Variants in PHC3 observed in about 807,000 individuals in gnomAD.
The protein encoded by PHC3 is polyhomeotic homolog 3.
Under a neutral mutation model 107.4 loss-of-function variants are expected in PHC3, and 13 were observed. The ratio of observed to expected loss-of-function variants is 0.12; its 90% CI spans 0.08 to 0.19. PHC3 has a LOEUF of 0.19. Among genes scored for constraint, PHC3 ranks in the 10% least tolerant of loss-of-function variants. The pLI is 1.00. For synonymous variants in PHC3, 456 were observed against 427.4 expected, an observed-to-expected ratio of 1.07 and a Z score of -0.83; for missense variants, 992 against 1,210.9, an observed-to-expected ratio of 0.82 and a Z score of 2.68.
chr3:170,116,861 T>C (rs1187071120), intron 10 of PHC3, among the ~76,000 whole-genome samples: 1 of 150,134 alleles, frequency 6.7e-6, no homozygotes, highest in Non-Finnish European at 1.5e-5. Flanking sequence ...CAGTGAGCCA[T>C]GATCGCACCA....
chr3:170,104,502 G>A (rs1341187729), intron 12 of PHC3, among the ~76,000 whole-genome samples: 1 of 152,062 alleles, frequency 6.6e-6, no homozygotes, highest in Non-Finnish European at 1.5e-5. Flanking sequence ...CAAATTCCTG[G>A]GCTCAAGCAA....
chr3:170,160,831 T>C (rs976924734), intron 4 of PHC3, among the ~76,000 whole-genome samples: 3 of 152,084 alleles, frequency 2.0e-5, no homozygotes, highest in Admixed American at 6.5e-5. Flanking sequence ...CGCTTCAACC[T>C]GGGAAGCAGA....
chr3:170,146,596 G>A (rs1309471122), intron 5 of PHC3, among the ~76,000 whole-genome samples: 20 of 139,772 alleles, frequency 1.4e-4, no homozygotes, highest in African/African-American at 4.8e-4. Flanking sequence ...GCAGTCATGC[G>A]ATCTCAGCTC....
intron 5 of PHC3, among the ~76,000 whole-genome samples, chr3:170,145,983 C>T (rs1448691813): frequency 6.6e-6 from 1 of 152,208 alleles, no homozygotes; most frequent in African/African-American, 2.4e-5. Context: ...ATAAGGATAA[C>T]TATGCCACAT....
rs1174021102 is a variant in PHC3 at position 170,093,331 on chromosome 3, T to G, written c.*3899A>C. The G allele has an allele frequency of 1.3e-5, 2 of 152,220 alleles. No homozygotes were observed. The highest frequency in any genetic ancestry group is 4.8e-5 in the African/African-American group (2 of 41,454). 9.4% of individuals were successfully genotyped at this position (152,220 alleles called of 1,614,324 possible). On this transcript the variant is annotated 3_prime_UTR_variant, in exon 15 of 15. Coordinates refer to ENST00000495893, the MANE Select transcript of PHC3 (RefSeq NM_024947.4). ...TAGAGGCCTTAGAGAGGTAGTGAGA[T>G]GAGGCCCTTTCATGCCATTAGCTAA...
rs777817020 is a variant in PHC3 at position 170,145,488 on chromosome 3, C to T, written c.607G>A (p.Val203Ile). 5 of 1,612,866 alleles carry T rather than the reference C, an allele frequency of 3.1e-6. No homozygotes were observed. Among genetic ancestry groups the T allele is most frequent in the Non-Finnish European group, 4.2e-6 (5 of 1,179,294 alleles). ...GAGACAACAGGAATGTCAGACTGTA[C>T]AGCAGCCACAGTGGTAGCGGGTGTG... ...IFTPATTVAA[V>I]QSDIPVVSSS... The change falls in exon 6 of 15, where the codon GTA becomes ATA. Residue 203 changes from valine to isoleucine, a missense_variant. Val to Ile is a conservative substitution (Grantham distance 29, BLOSUM62 3). Coordinates refer to ENST00000495893, the MANE Select transcript of PHC3 (RefSeq NM_024947.4).
intron 4 of PHC3, among the ~76,000 whole-genome samples, chr3:170,164,275 AG>A (rs1728389630): frequency 6.6e-6 from 1 of 152,226 alleles, no homozygotes; most frequent in Non-Finnish European, 1.5e-5. Flanking sequence ...GGACTACTGA[AG>A]GGAAGTAGTC....
Position 170,122,642 on chromosome 3 carries a change from C to G in PHC3, c.1891G>C (p.Ala631Pro), listed in dbSNP as rs1720572123. 1 of 1,613,876 alleles carries G rather than the reference C, an allele frequency of 6.2e-7. No individual in the cohort carries two copies. Among genetic ancestry groups the G allele is most frequent in the African/African-American group, 1.3e-5 (1 of 74,928 alleles). The change falls in exon 9 of 15, where the codon GCT becomes CCT. Residue 631 changes from alanine to proline, a missense_variant. By Grantham distance (27) the Ala-to-Pro change is conservative. Around this residue, in one of 6 missense-constraint regions of PHC3, gnomAD observed 543 missense variants for 590.8 expected, o/e 0.92. Coordinates refer to ENST00000495893, the MANE Select transcript of PHC3 (RefSeq NM_024947.4). ...TCTTCTCCTCTCCCCACTGTTATAGCTGCTGGAGACAAAGTGGGTGGTGGT... is the reference window on the plus strand; with the variant it reads ...TCTTCTCCTCTCCCCACTGTTATAGGTGCTGGAGACAAAGTGGGTGGTGGT... ...TPPPPTLSPAAITVGRGEDLT... is the reference protein window; with the variant it reads ...TPPPPTLSPAPITVGRGEDLT...
At chr3:170,146,776 G>A (rs1178390011) in intron 5 of PHC3, among the ~76,000 whole-genome samples, 8 of 149,986 alleles carry the variant, frequency 5.3e-5, no homozygotes, top group African/African-American at 9.8e-5. Flanking sequence ...CAAGTGATCC[G>A]CCCACCTCAG....
chr3:170,151,684 G>C lies in PHC3; in HGVS notation c.415-2440C>G, dbSNP rs193110762. Among the ~76,000 whole-genome samples, 333 of 152,324 alleles carry C rather than the reference G, an allele frequency of 2.2e-3. 2 individuals are homozygous for C. Among genetic ancestry groups the C allele is most frequent in the African/African-American group, 7.7e-3 (321 of 41,560 alleles). On this transcript the variant is annotated intron_variant, in intron 4 of 14. Transcript: ENST00000495893. ...CAATATGTAAGAAGGAGCTGGAAAA[G>C]CTCCACCCATACGTTCTGAGAAACA...
chr3:170,101,556 C>T (rs1228228278), intron 14 of PHC3, among the ~76,000 whole-genome samples: 2 of 152,094 alleles, frequency 1.3e-5, no homozygotes, highest in South Asian at 2.1e-4. Flanking sequence ...TGATATGATT[C>T]GCAATAAAAC....
At chr3:170,135,343 T>G (rs185382487) in intron 7 of PHC3, among the ~76,000 whole-genome samples, 1,852 of 151,788 alleles carry the variant, frequency 0.012, 39 homozygotes, top group African/African-American at 0.042. Flanking sequence ...TAGAGATGGG[T>G]TTTCACCATG....
intron 6 of PHC3, among the ~76,000 whole-genome samples, chr3:170,145,194 T>C (rs1440795678): frequency 6.6e-6 from 1 of 152,244 alleles, no homozygotes; most frequent in East Asian, 1.9e-4. Flanking sequence ...CTCATTAACC[T>C]TGACCAACCA....
At chr3:170,112,875 G>A (rs1718107746) in intron 11 of PHC3, among the ~76,000 whole-genome samples, 2 of 152,082 alleles carry the variant, frequency 1.3e-5, no homozygotes, top group Admixed American at 1.3e-4. Flanking sequence ...TTTTCTCGTT[G>A]AACAAATGTA....
Position 170,129,561 on chromosome 3 carries a change from G to A in PHC3, c.920-9C>T, listed in dbSNP as rs1560066662. Reference sequence around the variant, plus strand: ...AATTGGAGAATATGAAGCTGTGAGAGAAAAAAATGACAATTAGTACTGATT... The same window carrying A: ...AATTGGAGAATATGAAGCTGTGAGAAAAAAAAATGACAATTAGTACTGATT... On this transcript the variant is annotated splice_polypyrimidine_tract_variant and intron_variant, in intron 7 of 14. Coordinates refer to ENST00000495893, the MANE Select transcript of PHC3 (RefSeq NM_024947.4). 4.4e-6 allele frequency: 7 copies of A among 1,591,226 alleles called. No homozygotes were observed. The Admixed American group carries it at 7.2e-5, about 16-fold the overall frequency.
chr3:170,088,625 T>A lies in PHC3; in HGVS notation c.*8605A>T, dbSNP rs935328656. 2.0e-5 allele frequency: 3 copies of A among 152,224 alleles called. No individual in the cohort carries two copies. Among genetic ancestry groups the A allele is most frequent in the Non-Finnish European group, 4.4e-5 (3 of 68,042 alleles). The allele number at this position is 152,224 out of a possible 1,614,324, so 9.4% of individuals were successfully genotyped here. A position where few individuals can be genotyped will look rare whatever the true frequency, so the allele number is the denominator to read the frequency against. Reference sequence around the variant, plus strand: ...CGCATTCAGTTGACTTTTTAAAATTTAAGAATACATATACAAAAAGTACTT... The same window carrying A: ...CGCATTCAGTTGACTTTTTAAAATTAAAGAATACATATACAAAAAGTACTT... On this transcript the variant is annotated 3_prime_UTR_variant, in exon 15 of 15. Transcript: ENST00000495893.
chr3:170,123,575 G>A lies in PHC3; in HGVS notation c.1789-831C>T, dbSNP rs1176773558. Among the ~76,000 whole-genome samples the A allele has an allele frequency of 2.6e-5, 4 of 151,914 alleles. No homozygotes were observed. In the East Asian group the frequency reaches 7.8e-4, roughly 30 times the overall value. On this transcript the variant is annotated intron_variant, in intron 8 of 14. Transcript: ENST00000495893. ...AGGCTGAGGTGGGTGGATCACCGGA[G>A]GTCAGGAGTTCCACAACAGCCTGGC... is the stretch of plus-strand genomic sequence containing the variant.
Position 170,092,470 on chromosome 3 carries a change from G to A in PHC3, c.*4760C>T, listed in dbSNP as rs779073842. Reference sequence around the variant, plus strand: ...AAAATACCAATATTGATGAATGTGGGTAAACAGTTCATTTCATGATCCACA... The same window carrying A: ...AAAATACCAATATTGATGAATGTGGATAAACAGTTCATTTCATGATCCACA... On this transcript the variant is annotated 3_prime_UTR_variant, in exon 15 of 15. Coordinates refer to ENST00000495893, the MANE Select transcript of PHC3 (RefSeq NM_024947.4). 6.6e-6 allele frequency: 1 copy of A among 152,234 alleles called. No individual in the cohort carries two copies. The highest frequency in any genetic ancestry group is 1.5e-5 in the Non-Finnish European group (1 of 68,014). The allele number at this position is 152,234 out of a possible 1,614,324, so 9.4% of individuals were successfully genotyped here. A position where few individuals can be genotyped will look rare whatever the true frequency, so the allele number is the denominator to read the frequency against.
At position 170,117,488 on chromosome 3, in the gene PHC3, A is replaced by C; in HGVS notation, c.1943-12T>G. 5 of 1,583,796 alleles carry C rather than the reference A, an allele frequency of 3.2e-6. No homozygotes were observed. Among genetic ancestry groups the C allele is most frequent in the Middle Eastern group, 1.7e-4 (1 of 5,894 alleles). On this transcript the variant is annotated splice_polypyrimidine_tract_variant and intron_variant, in intron 9 of 14. Transcript: ENST00000495893. ...TAATTCCACTTGCTCTGAAAAAAAA[A>C]CCAAAAAGTCATTTAAAAATTTTTT...
Sources: allele counts gnomAD v4.1 joint callset (sites outside exome capture counted in the v4.1 genomes callset), GRCh38; gene constraint gnomAD v4.1.1; regional missense constraint gnomAD v4.1.1; transcripts MANE v1.5; gene names NCBI Gene and HGNC (gene_info 2026-07-23, HGNC 2026-07-21).